The following ELSPBP1 variants were observed in gnomAD, a reference collection of about 807,000 sequenced individuals.
ELSPBP1 encodes the protein epididymal sperm-binding protein 1.
Under a neutral mutation model 33.3 loss-of-function variants are expected in ELSPBP1, and 38 were observed. The observed-to-expected ratio is 1.14, with a 90% CI of 0.88 to 1.50. ELSPBP1 has a LOEUF of 1.50. ELSPBP1 is among the 40% of genes most tolerant of loss of function. The pLI is 0.00. For missense variants in ELSPBP1, 267 were observed against 263.5 expected, an observed-to-expected ratio of 1.01 and a Z score of -0.09; for synonymous variants, 85 against 94.1, an observed-to-expected ratio of 0.90 and a Z score of 0.56.
At chr19:48,001,862 A>T (rs903421769) in intron 1 of ELSPBP1, among the ~76,000 whole-genome samples, 2 of 150,086 alleles carry the variant, frequency 1.3e-5, no homozygotes, top group African/African-American at 4.9e-5. Flanking sequence ...GTTTTTTTTT[A>T]ATTTTAAGAT....
chr19:47,996,856 A>C (rs1316098673), intron 1 of ELSPBP1, among the ~76,000 whole-genome samples: 1 of 152,212 alleles, frequency 6.6e-6, no homozygotes, highest in Non-Finnish European at 1.5e-5. Context: ...TAATTAATTA[A>C]TTACTGCCGG....
chr19:48,011,512 CAAT>C lies in ELSPBP1; in HGVS notation c.71-2658_71-2656del, dbSNP rs1967078890. On this transcript the variant is annotated intron_variant, in intron 2 of 6. Transcript: ENST00000339841. This position sits in a 1 kb window ranked among gnomAD's most constrained non-coding sequence, Gnocchi z 4.5. ...TGACAATGACTGATAATGATGATGACAATGATGATGACAATGACTGATAATGAT... is the reference window on the plus strand; with the variant it reads ...TGACAATGACTGATAATGATGATGACGATGATGACAATGACTGATAATGAT... 6.6e-6 allele frequency among the ~76,000 whole-genome samples: 1 copy of C among 150,390 alleles called. No individual in the cohort carries two copies.
intron 3 of ELSPBP1, among the ~76,000 whole-genome samples, chr19:48,015,502 A>G (rs1264841418): frequency 6.6e-6 from 1 of 152,002 alleles, no homozygotes; most frequent in Non-Finnish European, 1.5e-5. Context: ...CTAAAAATTA[A>G]AAAAAATTAG....
intron 1 of ELSPBP1, among the ~76,000 whole-genome samples, chr19:48,007,863 A>G (rs1967037772): frequency 6.6e-6 from 1 of 152,134 alleles, no homozygotes; most frequent in Non-Finnish European, 1.5e-5. Context: ...GGGGGTTAAA[A>G]CATGTATTAC....
chr19:48,016,527 TCTTCCTTC>T (rs1292111942), intron 4 of ELSPBP1, among the ~76,000 whole-genome samples: 23 of 50,536 alleles, frequency 4.6e-4, no homozygotes, highest in South Asian at 1.6e-3. Flanking sequence ...TTTCTTTCTT[TCTTCCTTC>T]CTTCCTTCCT....
intron 1 of ELSPBP1, among the ~76,000 whole-genome samples, chr19:47,999,387 CTTT>C (rs397937280): frequency 1.5e-5 from 2 of 129,968 alleles, no homozygotes; most frequent in Non-Finnish European, 1.6e-5. Flanking sequence ...AGCCTCATTT[CTTT>C]TTTTTTTTTT....
In ELSPBP1 at chr19:47,998,684, G is replaced by C. The variant is rs570699096; in HGVS notation, c.-18+3873G>C. 1.0e-3 allele frequency among the ~76,000 whole-genome samples: 154 copies of C among 152,074 alleles called. 1 individual carries two copies. Among genetic ancestry groups the C allele is most frequent in the Non-Finnish European group, 1.8e-3 (119 of 67,988 alleles). On this transcript the variant is annotated intron_variant, in intron 1 of 6. Coordinates refer to ENST00000339841, the MANE Select transcript of ELSPBP1 (RefSeq NM_022142.5). Reference sequence around the variant, plus strand: ...CGCCTGTAGTCCCAGCTACGCGGGAGGCTGAGGCAGGAGAATGGCGTGGAC... The same window carrying C: ...CGCCTGTAGTCCCAGCTACGCGGGACGCTGAGGCAGGAGAATGGCGTGGAC...
At chr19:48,023,216 G>A (rs1339252596) in intron 6 of ELSPBP1, among the ~76,000 whole-genome samples, 2 of 133,948 alleles carry the variant, frequency 1.5e-5, no homozygotes, top group Non-Finnish European at 3.2e-5. Context: ...AAGGAGGGAA[G>A]GAAGGAGGGA....
chr19:47,995,717 G>A (rs996838950), intron 1 of ELSPBP1, among the ~76,000 whole-genome samples: 2 of 152,182 alleles, frequency 1.3e-5, no homozygotes, highest in African/African-American at 4.8e-5. Context: ...ACAGCCCCAT[G>A]TGTGCCTGTA....
intron 1 of ELSPBP1, among the ~76,000 whole-genome samples, chr19:48,006,379 C>T (rs190771127): frequency 1.3e-3 from 197 of 151,952 alleles, no homozygotes; most frequent in South Asian, 6.2e-3. Flanking sequence ...TTTAAGAGGC[C>T]GAGGCGGGTG....
chr19:48,008,174 ACACACACACATAT>A (rs1044002204), intron 1 of ELSPBP1, among the ~76,000 whole-genome samples: 1 of 151,988 alleles, frequency 6.6e-6, no homozygotes, highest in Non-Finnish European at 1.5e-5. Context: ...ACATGTAGAA[ACACACACACATAT>A]CACACACACA....
intron 6 of ELSPBP1, among the ~76,000 whole-genome samples, chr19:48,023,330 A>AAGGAAGGGAGGG (rs376751808): frequency 0.023 from 2,979 of 128,004 alleles, 181 homozygotes; most frequent in African/African-American, 0.09. Context: ...AGAGGGAAAG[A>AAGGAAGGGAGGG]AGGAAGGGAG....
At chr19:48,004,453 A>G (rs1188196137) in intron 1 of ELSPBP1, among the ~76,000 whole-genome samples, 1 of 152,198 alleles carries the variant, frequency 6.6e-6, no homozygotes, top group Non-Finnish European at 1.5e-5. Flanking sequence ...CACTGTGCCC[A>G]GCCTGGGCCT....
At chr19:48,020,314 G>A (rs183696738) in intron 5 of ELSPBP1, among the ~76,000 whole-genome samples, 29 of 152,174 alleles carry the variant, frequency 1.9e-4, no homozygotes, top group East Asian at 1.2e-3. Flanking sequence ...GAGACCTTGC[G>A]TCTAAAATAA....
intron 1 of ELSPBP1, among the ~76,000 whole-genome samples, chr19:48,007,783 C>G (rs1967036943): frequency 6.6e-6 from 1 of 152,098 alleles, no homozygotes; most frequent in Admixed American, 6.6e-5. Context: ...TGGGTTAGAA[C>G]CCAGACCCTG....
At chr19:48,006,797 A>T (rs1294981240) in intron 1 of ELSPBP1, among the ~76,000 whole-genome samples, 6 of 152,132 alleles carry the variant, frequency 3.9e-5, no homozygotes, top group Non-Finnish European at 8.8e-5. Context: ...GTCCTTCACA[A>T]GTAGTGAATG....
At chr19:47,997,541 C>T (rs1388396843) in intron 1 of ELSPBP1, among the ~76,000 whole-genome samples, 1 of 151,966 alleles carries the variant, frequency 6.6e-6, no homozygotes, top group Admixed American at 6.6e-5. Flanking sequence ...TGATACACAA[C>T]AATTGTATAT....
intron 1 of ELSPBP1, among the ~76,000 whole-genome samples, chr19:48,005,709 T>C (rs1967010936): frequency 6.6e-6 from 1 of 152,160 alleles, no homozygotes; most frequent in Non-Finnish European, 1.5e-5. Context: ...TCCGGTCCCA[T>C]GTTAAGCCTA....
At chr19:48,022,465 G>A (rs1967212458) in intron 6 of ELSPBP1, 131 bp downstream of exon 6, 2 of 768,918 alleles carry the variant, frequency 2.6e-6, no homozygotes, top group African/African-American at 1.8e-5. Flanking sequence ...TGATGTGAAG[G>A]CGAGATCTGT....
Sources: gnomAD v4.1 joint callset for allele counts (sites outside exome capture counted in the v4.1 genomes callset) on GRCh38, gnomAD v4.1.1 for gene constraint, Gnocchi (gnomAD v3.1) non-coding constraint, MANE v1.5 for transcripts, NCBI Gene and HGNC (gene_info 2026-07-23, HGNC 2026-07-21) for gene names.